PRKAR1A: variants seen among roughly 807,000 people sequenced by gnomAD.
PRKAR1A encodes the protein cAMP-dependent protein kinase type I-alpha regulatory subunit.
PRKAR1A carries 3 observed loss-of-function variants against 52.0 expected under a neutral mutation model. The observed-to-expected ratio is 0.06, with a 90% CI of 0.03 to 0.15. The LOEUF (loss-of-function observed/expected upper bound fraction) is 0.15, where lower values mean the gene tolerates loss of function less well. Among genes scored for constraint, PRKAR1A ranks in the 10% least tolerant of loss-of-function variants. The probability of loss-of-function intolerance (pLI) is 1.00; values close to 1 mark genes in which losing one functional copy is unlikely to be tolerated. For missense variants in PRKAR1A, 240 were observed against 477.4 expected, an observed-to-expected ratio of 0.50 and a Z score of 4.63; for synonymous variants, 188 against 168.4, an observed-to-expected ratio of 1.12 and a Z score of -0.90.
chr17:68,512,022 G>A (rs1327338863), upstream of PRKAR1A: 1 of 152,878 alleles, frequency 6.5e-6, no homozygotes, highest in Non-Finnish European at 1.5e-5. Flanking sequence ...GGAGGCCGGA[G>A]GGAGAGTGGG....
the PRKAR1A span, chr17:68,457,344 G>A: frequency 2.6e-6 from 4 of 1,546,564 alleles, no homozygotes; most frequent in Non-Finnish European, 2.6e-6. Context: ...CAGCTTACGT[G>A]CAGTCCTGGT....
the PRKAR1A span, among the ~76,000 whole-genome samples, chr17:68,432,848 C>T: frequency 6.6e-6 from 1 of 152,208 alleles, no homozygotes; most frequent in Non-Finnish European, 1.5e-5. Flanking sequence ...GCTCCTTTCT[C>T]ACTCCTCCAT....
the PRKAR1A span, among the ~76,000 whole-genome samples, chr17:68,469,197 C>T: frequency 6.9e-6 from 1 of 144,490 alleles, no homozygotes; most frequent in Non-Finnish European, 1.6e-5. Context: ...CCATTTTAGG[C>T]ACTGTCTATT....
chr17:68,520,934 T>G (rs1057243034), intron 2 of PRKAR1A, among the ~76,000 whole-genome samples: 1 of 152,076 alleles, frequency 6.6e-6, no homozygotes, highest in Non-Finnish European at 1.5e-5. Flanking sequence ...GTGTGTGTGT[T>G]TTATTTTATT....
In PRKAR1A at chr17:68,522,884, T is replaced by C. The variant is rs757511127; in HGVS notation, c.306T>C (p.Ala102=). The C allele has an allele frequency of 6.2e-6, 10 of 1,613,418 alleles. No individual in the cohort carries two copies. The highest frequency in any genetic ancestry group is 1.7e-5 in the Admixed American group (1 of 59,968). Reference sequence around the variant, plus strand: ...GGAGGCGACGAGGTGCTATCAGCGCTGAGGTCTACACGGAGGAAGATGCGG... The same window carrying C: ...GGAGGCGACGAGGTGCTATCAGCGCCGAGGTCTACACGGAGGAAGATGCGG... The part of the protein sequence containing the change: ...KGRRRRGAIS[A]EVYTEEDAAS... The change falls in exon 3 of 11, where the codon GCT becomes GCC. Residue 102 remains alanine (A), a synonymous_variant. Transcript: ENST00000589228.
chr17:68,512,263 G>C (rs1339858649), upstream of PRKAR1A: 1 of 153,276 alleles, frequency 6.5e-6, no homozygotes, highest in Non-Finnish European at 1.5e-5. Flanking sequence ...GGAAAGAATG[G>C]CGGAAGACGA....
the PRKAR1A span, among the ~76,000 whole-genome samples, chr17:68,498,049 C>T: frequency 6.7e-6 from 1 of 149,908 alleles, no homozygotes; most frequent in Admixed American, 6.7e-5. Context: ...GATGCAACCA[C>T]CTAAACACAG....
At chr17:68,510,886 G>C (rs2085255097), upstream of PRKAR1A, among the ~76,000 whole-genome samples, 1 of 152,132 alleles carries the variant, frequency 6.6e-6, no homozygotes, top group African/African-American at 2.4e-5. Flanking sequence ...CTTAGAGCCT[G>C]GTGGATTTGG....
At chr17:68,500,649 G>A in the PRKAR1A span, among the ~76,000 whole-genome samples, 1 of 152,008 alleles carries the variant, frequency 6.6e-6, no homozygotes, top group Non-Finnish European at 1.5e-5. Context: ...GAGTAGCTGG[G>A]ATTACAGGTG....
At chr17:68,460,267 T>TGAC in the PRKAR1A span, among the ~76,000 whole-genome samples, 3 of 152,090 alleles carry the variant, frequency 2.0e-5, no homozygotes, top group African/African-American at 7.2e-5. Flanking sequence ...AGGGACTAAA[T>TGAC]GACAGGCATG....
In PRKAR1A at chr17:68,527,665, A is replaced by G. The variant is rs763308619; in HGVS notation, c.709-175A>G. The G allele has an allele frequency of 3.2e-4, 185 of 585,448 alleles. 1 individual carries two copies. Among genetic ancestry groups the G allele is most frequent in the Non-Finnish European group, 5.0e-4 (165 of 332,686 alleles). The allele number at this position is 585,448 out of a possible 1,614,324, so 36.3% of individuals were successfully genotyped here. On this transcript the variant is annotated intron_variant, in intron 7 of 10. Transcript: ENST00000589228. The stretch of plus-strand genomic sequence containing the variant: ...AAATCACAAGAATGTCATATCATTC[A>G]TTACCTGTAAAATAAAAATGAATTA...
At chr17:68,533,777 G>A (rs1568709409), downstream of PRKAR1A, among the ~76,000 whole-genome samples, 1 of 152,188 alleles carries the variant, frequency 6.6e-6, no homozygotes, top group Non-Finnish European at 1.5e-5. Context: ...CTGTCACCCA[G>A]GCTAGAGTGA....
At chr17:68,417,765 T>TTTTTG in the PRKAR1A span, among the ~76,000 whole-genome samples, 1 of 118,770 alleles carries the variant, frequency 8.4e-6, no homozygotes, top group South Asian at 3.1e-4. Context: ...TTTTTTTTTT[T>TTTTTG]GAGATGGAGT....
At chr17:68,480,459 T>C in the PRKAR1A span, among the ~76,000 whole-genome samples, 4 of 152,132 alleles carry the variant, frequency 2.6e-5, no homozygotes, top group African/African-American at 7.2e-5. Context: ...CCTGCTACTA[T>C]ATATTTCAGA....
chr17:68,489,341 A>ATATATATATATATATGGAAAG, the PRKAR1A span, among the ~76,000 whole-genome samples: 5 of 14,586 alleles, frequency 3.4e-4, 1 homozygote, highest in Non-Finnish European at 3.7e-4. Context: ...TATGGAAAGT[A>ATATATATATATATATGGAAAG]TATATATATA....
chr17:68,465,213 T>A, the PRKAR1A span, among the ~76,000 whole-genome samples: 2 of 152,082 alleles, frequency 1.3e-5, no homozygotes, highest in African/African-American at 2.4e-5. Flanking sequence ...ATTACAGGCG[T>A]GAGCCACCGC....
At chr17:68,539,507 A>G (rs1600516462) in intron 11 of PRKAR1A, 1 of 973,060 alleles carries the variant, frequency 1.0e-6, no homozygotes, top group Non-Finnish European at 1.6e-6. Context: ...GTAAAATGCC[A>G]GGGATCATGG....
the PRKAR1A span, among the ~76,000 whole-genome samples, chr17:68,476,843 A>G: frequency 6.6e-6 from 1 of 151,866 alleles, no homozygotes; most frequent in East Asian, 1.9e-4. Context: ...TTGTATTTTT[A>G]GTAGGGATGG....
rs80355891 is a variant in PRKAR1A at position 68,526,597 on chromosome 17, T to C, written c.708+685T>C. 3.5e-3 allele frequency among the ~76,000 whole-genome samples: 529 copies of C among 152,282 alleles called. 5 individuals carry two copies. The highest frequency in any genetic ancestry group is 0.012 in the African/African-American group (516 of 41,554). Reference sequence around the variant, plus strand: ...GGATATATAGATAGATTAGATTAGATAGATAGTCTTGTCCTTCGCAGCAAC... The same window carrying C: ...GGATATATAGATAGATTAGATTAGACAGATAGTCTTGTCCTTCGCAGCAAC... On this transcript the variant is annotated intron_variant, in intron 7 of 10. Coordinates refer to ENST00000589228, the MANE Select transcript of PRKAR1A (RefSeq NM_002734.5).
Sources: gnomAD v4.1 joint callset for allele counts (sites outside exome capture counted in the v4.1 genomes callset) on GRCh38, gnomAD v4.1.1 for gene constraint, MANE v1.5 for transcripts, NCBI Gene and HGNC (gene_info 2026-07-23, HGNC 2026-07-21) for gene names.